Variants in LRFN5 observed in about 807,000 individuals in gnomAD.
LRFN5 encodes leucine-rich repeat and fibronectin type-III domain-containing protein 5.
Under a neutral mutation model 45.6 loss-of-function variants are expected in LRFN5, and 24 were observed. That is an observed-to-expected ratio of 0.53 (90% CI 0.38 to 0.74). The LOEUF is 0.74. LRFN5 is among the 30% of genes least tolerant of loss of function. The probability of loss-of-function intolerance (pLI) is 0.00; values close to 1 mark genes in which losing one functional copy is unlikely to be tolerated. For missense variants in LRFN5, 776 were observed against 861.5 expected (o/e 0.90, Z 1.24); for synonymous variants, 340 against 313.8 (o/e 1.08, Z -0.88).
At chr14:41,845,293 C>T (rs998904279) in intron 2 of LRFN5, among the ~76,000 whole-genome samples, 1 of 152,034 alleles carries the variant, frequency 6.6e-6, no homozygotes, top group Admixed American at 6.6e-5. Flanking sequence ...AACCAGACAG[C>T]ATGTATAGTC....
In LRFN5 at chr14:41,888,135, T is replaced by C. The variant is rs917349080; in HGVS notation, c.1385+125T>C. ...TTGTAATTCCATATTTTAAAGTGCA[T>C]AGTGTAAGCTTTGAAAAAGGTGGTA... On this transcript the variant is annotated intron_variant, in intron 3 of 5. Coordinates refer to ENST00000298119, the MANE Select transcript of LRFN5 (RefSeq NM_152447.5). 113 of 712,210 alleles carry C rather than the reference T, an allele frequency of 1.6e-4. 1 individual carries two copies. The Middle Eastern group carries it at 2.9e-3, about 18-fold the overall frequency. 44.1% of individuals were successfully genotyped at this position (712,210 alleles called of 1,614,324 possible).
At chr14:41,879,330 CAT>C (rs1890293239) in intron 2 of LRFN5, among the ~76,000 whole-genome samples, 2 of 151,866 alleles carry the variant, frequency 1.3e-5, no homozygotes, top group Admixed American at 6.6e-5. Context: ...TATTTAGAAA[CAT>C]AATGAAAAAT....
At chr14:41,764,099 G>T (rs1194988123) in intron 1 of LRFN5, among the ~76,000 whole-genome samples, 1 of 151,972 alleles carries the variant, frequency 6.6e-6, no homozygotes, top group Admixed American at 6.6e-5. Context: ...TCCCTCTTTG[G>T]TCATTGCATT....
At chr14:41,610,860 G>C (rs1432101130) in intron 1 of LRFN5, among the ~76,000 whole-genome samples, 3 of 150,958 alleles carry the variant, frequency 2.0e-5, no homozygotes, top group Non-Finnish European at 2.9e-5. Flanking sequence ...TATTCTAAAC[G>C]TCTGACAAGG....
intron 2 of LRFN5, among the ~76,000 whole-genome samples, chr14:41,767,827 C>T (rs541772608): frequency 1.1e-4 from 16 of 152,254 alleles, no homozygotes; most frequent in East Asian, 9.7e-4. Context: ...ATAAAGACAA[C>T]GTCTCAGGAA....
At chr14:41,736,715 A>G (rs997167415) in intron 1 of LRFN5, among the ~76,000 whole-genome samples, 5 of 152,234 alleles carry the variant, frequency 3.3e-5, no homozygotes, top group Admixed American at 1.3e-4. Context: ...AGAGAATACT[A>G]TAAACACCTC....
At chr14:41,709,419 C>T (rs972089802) in intron 1 of LRFN5, among the ~76,000 whole-genome samples, 3 of 151,982 alleles carry the variant, frequency 2.0e-5, no homozygotes, top group Admixed American at 2.0e-4. Context: ...AGGACTAGAA[C>T]TTGAAATCAC....
intron 2 of LRFN5, among the ~76,000 whole-genome samples, chr14:41,779,712 A>G (rs1442014162): frequency 1.3e-5 from 2 of 152,032 alleles, no homozygotes; most frequent in African/African-American, 4.8e-5. Flanking sequence ...GTTGTCTTTC[A>G]AGGAATTGGT....
rs2139152779 is a variant in LRFN5 at position 41,887,434 on chromosome 14, C to A, written c.809C>A (p.Thr270Asn). The part of the protein sequence containing the change: ...LETCASPPLL[T>N]GRYFWSIPEE... ...ACCTGTGCTTCTCCTCCACTTTTAA[C>A]TGGCCGCTACTTTTGGTCAATTCCT... The change falls in exon 3 of 6, where the codon ACT (threonine) becomes AAT (asparagine). Residue 270 changes from threonine (T) to asparagine (N), a missense_variant. By Grantham distance (65) the Thr-to-Asn change is moderately conservative (BLOSUM62 0). This residue lies in a region of LRFN5 where 311 missense variants were observed against 405.1 expected (regional missense o/e 0.77). Coordinates refer to ENST00000298119, the MANE Select transcript of LRFN5 (RefSeq NM_152447.5). The surrounding 1 kb of genome is among the most constrained non-coding windows in gnomAD (Gnocchi z 4.8). 1 of 1,614,166 alleles carries A rather than the reference C, an allele frequency of 6.2e-7. No homozygotes were observed. The highest frequency in any genetic ancestry group is 2.2e-5 in the East Asian group (1 of 44,864).
intron 1 of LRFN5, among the ~76,000 whole-genome samples, chr14:41,609,517 C>T (rs1055911133): frequency 6.6e-6 from 1 of 152,104 alleles, no homozygotes; most frequent in African/African-American, 2.4e-5. Flanking sequence ...AAGCCCTTTA[C>T]CCTGGCGCCT....
chr14:41,617,362 T>A (rs923438284), intron 1 of LRFN5, among the ~76,000 whole-genome samples: 1 of 152,154 alleles, frequency 6.6e-6, no homozygotes, highest in African/African-American at 2.4e-5. Flanking sequence ...CCCATGATTA[T>A]ACAGCTAAGA....
rs1443308349 is a variant in LRFN5 at position 41,607,111 on chromosome 14, C to G, written c.-1648C>G. Among the ~76,000 whole-genome samples, 2 of 152,284 alleles carry G rather than the reference C, an allele frequency of 1.3e-5. No homozygotes were observed. Among genetic ancestry groups the G allele is most frequent in the East Asian group, 3.9e-4 (2 of 5,160 alleles). On this transcript the variant is annotated 5_prime_UTR_variant, in exon 1 of 6. Coordinates refer to ENST00000298119, the MANE Select transcript of LRFN5 (RefSeq NM_152447.5). ...CGCGCAGGGAGGCGGTGAGCGTGTG[C>G]AGAGCTGCCCGAACGGAGGACTATG...
At chr14:41,814,146 G>A (rs1470125407) in intron 2 of LRFN5, among the ~76,000 whole-genome samples, 1 of 152,076 alleles carries the variant, frequency 6.6e-6, no homozygotes, top group Non-Finnish European at 1.5e-5. Flanking sequence ...CTTTTGCTGT[G>A]CAGAAGCTCT....
chr14:41,612,499 G>A (rs1235388069), intron 1 of LRFN5, among the ~76,000 whole-genome samples: 2 of 152,060 alleles, frequency 1.3e-5, no homozygotes, highest in Non-Finnish European at 2.9e-5. Flanking sequence ...GAGTAAAACT[G>A]GAAATTTGGA....
In LRFN5 at chr14:41,891,975, C is replaced by G; in HGVS notation, c.2098+13C>G. ...CATATAAAGCCAAGTAAGTTTATCACTTTGCCTGCTGAGAGATCCGGAGCA... is the reference window on the plus strand; with the variant it reads ...CATATAAAGCCAAGTAAGTTTATCAGTTTGCCTGCTGAGAGATCCGGAGCA... On this transcript the variant is annotated intron_variant, in intron 4 of 5. Transcript: ENST00000298119. 6.2e-7 allele frequency: 1 copy of G among 1,607,294 alleles called. No homozygotes were observed. Among genetic ancestry groups the G allele is most frequent in the Non-Finnish European group, 8.5e-7 (1 of 1,178,304 alleles).
intron 2 of LRFN5, among the ~76,000 whole-genome samples, chr14:41,779,499 A>C (rs564004621): frequency 4.7e-4 from 71 of 152,054 alleles, no homozygotes; most frequent in Admixed American, 1.0e-3. Flanking sequence ...AGAATGAGTT[A>C]AGAAGCATAC....
intron 4 of LRFN5, chr14:41,892,805 A>G (rs928397551): frequency 4.1e-6 from 4 of 985,112 alleles, no homozygotes; most frequent in African/African-American, 1.7e-5. Flanking sequence ...TGAAAACTCT[A>G]ATCAGTTTTC....
rs139155025 is a variant in LRFN5 at position 41,637,406 on chromosome 14, T to G, written c.-197+28844T>G. 6.3e-3 allele frequency among the ~76,000 whole-genome samples: 964 copies of G among 152,308 alleles called. 4 individuals are homozygous for G. The highest frequency in any genetic ancestry group is 0.025 in the South Asian group (122 of 4,832). ...AAGGGAGGAAGGAAAACTTTTTTTT[T>G]CCCTTTTCCAAACCTGCCTTACTCC... is the stretch of plus-strand genomic sequence containing the variant. On this transcript the variant is annotated intron_variant, in intron 1 of 5. Transcript: ENST00000298119.
In LRFN5 at chr14:41,671,587, G is replaced by A. The variant is rs78602602; in HGVS notation, c.-197+63025G>A. 1.7e-3 allele frequency among the ~76,000 whole-genome samples: 238 copies of A among 141,610 alleles called. 4 individuals carry two copies. The East Asian group carries it at 0.045, about 27-fold the overall frequency. The allele number at this position is 141,610 out of a possible 152,430, so 92.9% of individuals were successfully genotyped here. A position where few individuals can be genotyped will look rare whatever the true frequency, so the allele number is the denominator to read the frequency against. ...AGAACTTCCAATAGCTCACCATTGTGTGGATGTGGAGGAGAGATTTTTTTT... is the reference window on the plus strand; with the variant it reads ...AGAACTTCCAATAGCTCACCATTGTATGGATGTGGAGGAGAGATTTTTTTT... On this transcript the variant is annotated intron_variant, in intron 1 of 5. Coordinates refer to ENST00000298119, the MANE Select transcript of LRFN5 (RefSeq NM_152447.5).
Sources: gnomAD v4.1 joint callset for allele counts (sites outside exome capture counted in the v4.1 genomes callset) on GRCh38, gnomAD v4.1.1 for gene constraint, gnomAD v4.1.1 regional missense constraint, Gnocchi (gnomAD v3.1) non-coding constraint, MANE v1.5 for transcripts, NCBI Gene and HGNC (gene_info 2026-07-23, HGNC 2026-07-21) for gene names.